The following UBAP2L variants were observed in gnomAD, a reference collection of about 807,000 sequenced individuals.
The protein encoded by UBAP2L is ubiquitin associated protein 2 like, also known as ubiquitin-associated protein 2-like.
Under a neutral mutation model 130.6 loss-of-function variants are expected in UBAP2L, and 12 were observed. The ratio of observed to expected loss-of-function variants is 0.09; its 90% CI spans 0.06 to 0.15. UBAP2L has a LOEUF of 0.15. UBAP2L is among the 10% of genes least tolerant of loss of function. The pLI is 1.00. For synonymous variants in UBAP2L, 503 were observed against 524.7 expected (o/e 0.96, Z 0.57); for missense variants, 965 against 1,332.5 (o/e 0.72, Z 4.29).
In UBAP2L at chr1:154,251,032, C is replaced by T. The variant is rs758187321; in HGVS notation, c.1214-9C>T. On this transcript the variant is annotated splice_polypyrimidine_tract_variant and intron_variant, in intron 12 of 26. Coordinates refer to ENST00000428931, the MANE Select transcript of UBAP2L (RefSeq NM_014847.4). The stretch of plus-strand genomic sequence containing the variant: ...TCTCTGGCTTCATATACTGGGTTTC[C>T]TCTTGCAGATTTGAAGAACCCAAGT... 1.9e-6 allele frequency: 3 copies of T among 1,600,668 alleles called. No individual in the cohort carries two copies. In the South Asian group the frequency reaches 3.3e-5, roughly 18 times the overall value.
chr1:154,243,440 C>T (rs1265947079), intron 10 of UBAP2L, 138 bp downstream of exon 10: 6 of 645,506 alleles, frequency 9.3e-6, no homozygotes, highest in Non-Finnish European at 1.5e-5. Context: ...TTACATTCCT[C>T]TTAAGTTGAT....
At chr1:154,229,520 G>A (rs1365877504) in intron 4 of UBAP2L, among the ~76,000 whole-genome samples, 1 of 151,906 alleles carries the variant, frequency 6.6e-6, no homozygotes, top group Non-Finnish European at 1.5e-5. Flanking sequence ...TGTGGCCCTG[G>A]CTGGAGTACA....
At chr1:154,220,271 G>A (rs1665441407), upstream of UBAP2L, 2 of 1,558,460 alleles carry the variant, frequency 1.3e-6, no homozygotes, top group East Asian at 4.5e-5. Context: ...TGCAGACGGG[G>A]TACAGCTCAA....
intron 8 of UBAP2L, among the ~76,000 whole-genome samples, chr1:154,241,152 G>A (rs918139879): frequency 4.6e-5 from 7 of 151,826 alleles, no homozygotes; most frequent in African/African-American, 1.2e-4. Context: ...GCAATGCCGC[G>A]ATCTCAGCTC....
chr1:154,269,519 TACACAA>T (rs1304378619), intron 26 of UBAP2L: 3 of 932,574 alleles, frequency 3.2e-6, no homozygotes, highest in Admixed American at 2.4e-5. Context: ...CAAATCGGGA[TACACAA>T]ACACAAACAC....
At chr1:154,254,169 C>T (rs1389266813) in intron 15 of UBAP2L, 80 bp downstream of exon 15, 8 of 1,282,140 alleles carry the variant, frequency 6.2e-6, no homozygotes, top group Non-Finnish European at 8.3e-6. Context: ...TTTTACTTTT[C>T]AGCAAGTGGT....
At chr1:154,269,088 A>C in intron 26 of UBAP2L, 134 bp downstream of exon 26, 1 of 1,078,258 alleles carries the variant, frequency 9.3e-7, no homozygotes, top group East Asian at 2.6e-5. Flanking sequence ...TCATGGGCAC[A>C]CAGCACATAC....
chr1:154,263,433 G>A (rs1682252124), intron 24 of UBAP2L: 4 of 1,225,758 alleles, frequency 3.3e-6, no homozygotes, highest in South Asian at 6.3e-5. Flanking sequence ...TTGATTTCTG[G>A]AAGGCATGTA....
intron 6 of UBAP2L, 100 bp downstream of exon 6, chr1:154,235,391 C>G: frequency 1.6e-6 from 1 of 611,058 alleles, no homozygotes; most frequent in South Asian, 2.1e-5. Context: ...GTCTCACTCT[C>G]ACCCAGGCCG....
chr1:154,259,124 C>T (rs1474945519), intron 21 of UBAP2L, 94 bp downstream of exon 21: 2 of 1,136,098 alleles, frequency 1.8e-6, no homozygotes, highest in African/African-American at 1.5e-5. Context: ...CTTTCCCATC[C>T]CAGCCCTCCA....
Position 154,251,036 on chromosome 1 carries a change from T to C in UBAP2L, c.1214-5T>C. 6.2e-7 allele frequency: 1 copy of C among 1,601,868 alleles called. No homozygotes were observed. The highest frequency in any genetic ancestry group is 8.5e-7 in the Non-Finnish European group (1 of 1,171,342). On this transcript the variant is annotated splice_polypyrimidine_tract_variant and splice_region_variant and intron_variant, in intron 12 of 26. Transcript: ENST00000428931. Reference sequence around the variant, plus strand: ...TGGCTTCATATACTGGGTTTCCTCTTGCAGATTTGAAGAACCCAAGTGATT... The same window carrying C: ...TGGCTTCATATACTGGGTTTCCTCTCGCAGATTTGAAGAACCCAAGTGATT...
chr1:154,236,669 GCCTT>G (rs1671791519), intron 7 of UBAP2L, 58 bp downstream of exon 7: 3 of 1,575,308 alleles, frequency 1.9e-6, no homozygotes, highest in Non-Finnish European at 2.6e-6. Flanking sequence ...ACTGTAGGCA[GCCTT>G]AACCAAAATG....
At chr1:154,227,251 T>A in intron 2 of UBAP2L, 31 bp from the exon 3 acceptor site, 1 of 1,593,534 alleles carries the variant, frequency 6.3e-7, no homozygotes, top group Non-Finnish European at 8.6e-7. Context: ...GCCTCATGAT[T>A]ATGCTTTCTT....
chr1:154,232,391 T>G (rs1670149912), intron 4 of UBAP2L, among the ~76,000 whole-genome samples: 1 of 152,164 alleles, frequency 6.6e-6, no homozygotes, highest in African/African-American at 2.4e-5. Context: ...TTGTACAGGT[T>G]TTTTACAAAA....
At chr1:154,245,437 T>C (rs771172364) in intron 10 of UBAP2L, among the ~76,000 whole-genome samples, 5 of 152,186 alleles carry the variant, frequency 3.3e-5, no homozygotes, top group Admixed American at 6.5e-5. Context: ...TTTTGAAATT[T>C]TACGAAAATT....
At position 154,255,301 on chromosome 1, in the gene UBAP2L, A is replaced by T. The variant is rs143240770; in HGVS notation, c.2059A>T (p.Asn687Tyr). Residue 687 changes from asparagine to tyrosine, a missense_variant, in exon 17 of 27, where the codon AAT (asparagine) becomes TAT (tyrosine). Physicochemically the swap from Asn to Tyr is moderately radical, Grantham distance 143. Around this residue, in one of 9 missense-constraint regions of UBAP2L, gnomAD observed 393 missense variants for 408.1 expected, o/e 0.96. Transcript: ENST00000428931. ...GGLSHSEEIP[N>Y]TTTTQHSSTL... ...CTTGAGCCACAGTGAGGAGATTCCA[A>T]ATACTACCACCACACAACACAGCAG... The T allele has an allele frequency of 6.2e-7, 1 of 1,613,998 alleles. No individual in the cohort carries two copies. Among genetic ancestry groups the T allele is most frequent in the Non-Finnish European group, 8.5e-7 (1 of 1,180,012 alleles).
At chr1:154,241,471 A>T in intron 8 of UBAP2L, 42 bp from the exon 9 acceptor site, 3 of 1,591,516 alleles carry the variant, frequency 1.9e-6, no homozygotes, top group Non-Finnish European at 2.6e-6. Flanking sequence ...TTGTACTGGC[A>T]TTTAATAGTG....
intron 7 of UBAP2L, 42 bp from the exon 8 acceptor site, chr1:154,236,982 G>T: frequency 6.7e-7 from 1 of 1,493,882 alleles, no homozygotes; most frequent in Non-Finnish European, 9.3e-7. Flanking sequence ...ATTTGCCAAA[G>T]CTGCTTAGAG....
In UBAP2L at chr1:154,230,825, C is replaced by T. The variant is rs144890977; in HGVS notation, c.279+2100C>T. Among the ~76,000 whole-genome samples the T allele has an allele frequency of 5.8e-3, 883 of 152,318 alleles. 13 individuals carry two copies. Among genetic ancestry groups the T allele is most frequent in the Middle Eastern group, 0.024 (7 of 294 alleles). On this transcript the variant is annotated intron_variant, in intron 4 of 26. Coordinates refer to ENST00000428931, the MANE Select transcript of UBAP2L (RefSeq NM_014847.4). The stretch of plus-strand genomic sequence containing the variant: ...GGGTGGGTGAGATCATTTCAGAAAA[C>T]TGAAGTCGCCTTTGGGAAGATAATA...
Sources: allele counts gnomAD v4.1 joint callset (sites outside exome capture counted in the v4.1 genomes callset), GRCh38; gene constraint gnomAD v4.1.1; regional missense constraint gnomAD v4.1.1; transcripts MANE v1.5; gene names NCBI Gene and HGNC (gene_info 2026-07-23, HGNC 2026-07-21).